THADA: variants seen among roughly 807,000 people sequenced by gnomAD.
THADA encodes tRNA (32-2'-O)-methyltransferase regulator THADA.
In THADA, 213 loss-of-function variants were observed where a neutral mutation model predicts 219.8. The observed-to-expected ratio is 0.97, with a 90% confidence interval of 0.87 to 1.09. The LOEUF (loss-of-function observed/expected upper bound fraction) is 1.09, where lower values mean the gene tolerates loss of function less well. Ranked by LOEUF, THADA falls within the 50% of genes least tolerant of loss-of-function variation. The pLI is 0.00. For synonymous variants in THADA, 1,018 were observed against 828.9 expected, an observed-to-expected ratio of 1.23 and a Z score of -3.92; for missense variants, 2,956 against 2,311.3, an observed-to-expected ratio of 1.28 and a Z score of -5.72.
At chr2:43,376,970 C>T (rs1671450325) in intron 29 of THADA, among the ~76,000 whole-genome samples, 1 of 152,122 alleles carries the variant, frequency 6.6e-6, no homozygotes, top group Non-Finnish European at 1.5e-5. Context: ...TTCAGGTCAC[C>T]TCCTCAGGTC....
intron 26 of THADA, among the ~76,000 whole-genome samples, chr2:43,456,837 A>G (rs1189267283): frequency 6.6e-6 from 1 of 152,164 alleles, no homozygotes; most frequent in Non-Finnish European, 1.5e-5. Context: ...CAACACACTC[A>G]AGATACTAAG....
chr2:43,399,364 A>G (rs1168790010), intron 28 of THADA, among the ~76,000 whole-genome samples: 3 of 152,258 alleles, frequency 2.0e-5, no homozygotes, highest in Admixed American at 6.5e-5. Flanking sequence ...TTAGGGCTAC[A>G]TGGCCATGTT....
At chr2:43,308,765 A>C (rs1185958732) in intron 31 of THADA, among the ~76,000 whole-genome samples, 21 of 148,886 alleles carry the variant, frequency 1.4e-4, no homozygotes, top group Non-Finnish European at 2.7e-4. Context: ...TACCAAAAAA[A>C]AAAAAAAAAA....
chr2:43,378,833 T>C (rs1368791417), intron 29 of THADA, among the ~76,000 whole-genome samples: 1 of 152,202 alleles, frequency 6.6e-6, no homozygotes, highest in Non-Finnish European at 1.5e-5. Context: ...CTCAAACTCC[T>C]GACCTCAGGT....
chr2:43,361,094 GACGCT>G (rs1440038692), intron 29 of THADA, among the ~76,000 whole-genome samples: 29 of 152,094 alleles, frequency 1.9e-4, no homozygotes, highest in Admixed American at 1.3e-4. Context: ...AGAGGCCAGG[GACGCT>G]GCTAAACATC....
chr2:43,429,349 C>A (rs991329707), intron 27 of THADA, among the ~76,000 whole-genome samples: 1 of 152,234 alleles, frequency 6.6e-6, no homozygotes, highest in South Asian at 2.1e-4. Flanking sequence ...TCAGGTGATC[C>A]ACCTGCCTTG....
intron 26 of THADA, among the ~76,000 whole-genome samples, chr2:43,446,861 T>C (rs554582652): frequency 3.3e-5 from 5 of 152,276 alleles, no homozygotes; most frequent in African/African-American, 1.2e-4. Context: ...GAAATCAGTA[T>C]CAAGGGTATC....
At chr2:43,419,941 G>C (rs1310963980) in intron 28 of THADA, among the ~76,000 whole-genome samples, 1 of 152,174 alleles carries the variant, frequency 6.6e-6, no homozygotes, top group African/African-American at 2.4e-5. Flanking sequence ...CTGTTAAATA[G>C]CAAACCATTT....
chr2:43,549,137 T>C, intron 20 of THADA, 73 bp downstream of exon 20: 3 of 1,276,020 alleles, frequency 2.4e-6, no homozygotes, highest in Non-Finnish European at 3.1e-6. Context: ...TAATTTACCA[T>C]ATAAAAAGGG....
chr2:43,405,229 T>C (rs1168157341), intron 28 of THADA, among the ~76,000 whole-genome samples: 2 of 152,322 alleles, frequency 1.3e-5, no homozygotes, highest in East Asian at 1.9e-4. Context: ...AAGATTTCTT[T>C]TTCCTTTTTA....
In THADA at chr2:43,280,016, T is replaced by C. The variant is rs781302740; in HGVS notation, c.5165-120A>G. 717 of 996,562 alleles carry C rather than the reference T, an allele frequency of 7.2e-4. 1 individual carries two copies. The highest frequency in any genetic ancestry group is 9.4e-4 in the Non-Finnish European group (687 of 730,062). 61.7% of individuals were successfully genotyped at this position (996,562 alleles called of 1,614,324 possible). A position where few individuals can be genotyped will look rare whatever the true frequency, so the allele number is the denominator to read the frequency against. ...GAATGAGTTACAGCTATCTCTTTTT[T>C]TCTGGGTATTGTTAAGATAGAAAGA... On this transcript the variant is annotated intron_variant, in intron 35 of 37. Transcript: ENST00000405975.
At chr2:43,524,166 G>A (rs1234220265) in intron 22 of THADA, among the ~76,000 whole-genome samples, 2 of 152,126 alleles carry the variant, frequency 1.3e-5, no homozygotes, top group Non-Finnish European at 2.9e-5. Flanking sequence ...CTTCTAAATA[G>A]AAAGCACGAC....
chr2:43,443,126 C>T (rs1009003207), intron 26 of THADA, among the ~76,000 whole-genome samples: 1 of 152,120 alleles, frequency 6.6e-6, no homozygotes, highest in East Asian at 1.9e-4. Flanking sequence ...ACACTCTGCA[C>T]AAGAAGAAAC....
At chr2:43,482,541 T>C (rs1232864289) in intron 26 of THADA, among the ~76,000 whole-genome samples, 1 of 152,162 alleles carries the variant, frequency 6.6e-6, no homozygotes, top group African/African-American at 2.4e-5. Context: ...CCCAGAGAGG[T>C]TGGCTATTTT....
chr2:43,257,362 C>T (rs190890231), intron 36 of THADA, among the ~76,000 whole-genome samples: 131 of 152,368 alleles, frequency 8.6e-4, no homozygotes, highest in Middle Eastern at 6.8e-3. Flanking sequence ...CTCCCTATGA[C>T]AGGCTGCTTC....
intron 30 of THADA, among the ~76,000 whole-genome samples, chr2:43,336,868 G>A (rs1666505407): frequency 6.6e-6 from 1 of 152,184 alleles, no homozygotes; most frequent in African/African-American, 2.4e-5. Flanking sequence ...AATGAGAGAC[G>A]CGGCTGGGCG....
intron 25 of THADA, among the ~76,000 whole-genome samples, chr2:43,488,334 G>A (rs1018563614): frequency 9.9e-5 from 15 of 152,180 alleles, no homozygotes; most frequent in Admixed American, 2.6e-4. Flanking sequence ...GCCGTTAGTC[G>A]TCACTCCCTA....
chr2:43,426,458 C>T (rs556295158), intron 28 of THADA, among the ~76,000 whole-genome samples: 4 of 152,184 alleles, frequency 2.6e-5, no homozygotes, highest in Middle Eastern at 3.2e-3. Flanking sequence ...TTTCTTAGTT[C>T]TTTCCACTTA....
intron 9 of THADA, 40 bp downstream of exon 9, chr2:43,578,473 C>G (rs768822481): frequency 6.6e-7 from 1 of 1,510,464 alleles, no homozygotes; most frequent in South Asian, 1.1e-5. Flanking sequence ...CATACCCTAA[C>G]TCTCAATAAA....
Sources: gnomAD v4.1 joint callset for allele counts (sites outside exome capture counted in the v4.1 genomes callset) on GRCh38, gnomAD v4.1.1 for gene constraint, MANE v1.5 for transcripts, NCBI Gene and HGNC (gene_info 2026-07-23, HGNC 2026-07-21) for gene names.